Variants in PKIG observed in about 807,000 individuals in gnomAD.
PKIG encodes the protein cAMP-dependent protein kinase inhibitor gamma, also known as protein kinase (cAMP-dependent, catalytic) inhibitor gamma.
PKIG carries 1 observed loss-of-function variant against 6.8 expected under a neutral mutation model. The observed-to-expected ratio is 0.15, with a 90% CI of 0.05 to 0.69. The LOEUF is 0.69. PKIG is among the 30% of genes least tolerant of loss of function. PKIG has a pLI of 0.82. For synonymous variants in PKIG, 39 were observed against 43.0 expected (o/e 0.91, Z 0.36); for missense variants, 77 against 104.0 (o/e 0.74, Z 1.13).
intron 1 of PKIG, 23 bp downstream of exon 1, chr20:44,582,754 C>T (rs563223665): frequency 6.6e-6 from 1 of 152,478 alleles, no homozygotes; most frequent in East Asian, 1.9e-4. Flanking sequence ...TTACTCTCCT[C>T]CCCTGCCCAA....
At chr20:44,610,462 T>TC (rs2065204541) in intron 2 of PKIG, among the ~76,000 whole-genome samples, 10 of 123,338 alleles carry the variant, frequency 8.1e-5, no homozygotes, top group African/African-American at 3.1e-4. Context: ...GTCTCTCTCT[T>TC]TCTCTCTCTC....
intron 2 of PKIG, among the ~76,000 whole-genome samples, chr20:44,590,587 T>C (rs1325204747): frequency 1.3e-5 from 2 of 152,242 alleles, no homozygotes; most frequent in Admixed American, 6.5e-5. Flanking sequence ...TTTCTTTGAA[T>C]TGTCAAGTTG....
intron 1 of PKIG, among the ~76,000 whole-genome samples, chr20:44,570,851 TGAA>T (rs1204554445): frequency 6.6e-6 from 1 of 152,214 alleles, no homozygotes; most frequent in Non-Finnish European, 1.5e-5. Flanking sequence ...AAAGTTTTTC[TGAA>T]GAAGTGACAT....
chr20:44,614,102 A>G lies in PKIG; in HGVS notation c.-23-432A>G, dbSNP rs2065242805. ...CAGCCTTGATCAGGTCCCAGTGATC[A>G]CTCCAGCACCCTGCATTCTCCCTTG... On this transcript the variant is annotated intron_variant, in intron 2 of 3. Transcript: ENST00000372886. The surrounding 1 kb of genome is among the most constrained non-coding windows in gnomAD (Gnocchi z 4.6). Among the ~76,000 whole-genome samples, 1 of 151,978 alleles carries G rather than the reference A, an allele frequency of 6.6e-6. No homozygotes were observed. The highest frequency in any genetic ancestry group is 2.4e-5 in the African/African-American group (1 of 41,362).
At chr20:44,552,860 A>G (rs778743892) in intron 1 of PKIG, among the ~76,000 whole-genome samples, 4 of 152,098 alleles carry the variant, frequency 2.6e-5, no homozygotes, top group Non-Finnish European at 5.9e-5. Context: ...GGAAATGCTT[A>G]CTTAGTCTGG....
At chr20:44,545,429 A>T (rs1186229938) in intron 1 of PKIG, among the ~76,000 whole-genome samples, 1 of 152,206 alleles carries the variant, frequency 6.6e-6, no homozygotes, top group African/African-American at 2.4e-5. Flanking sequence ...AATAAGTTGA[A>T]TGTGCTTACC....
At chr20:44,580,335 G>GCTTTGTT (rs1249132751), upstream of PKIG, among the ~76,000 whole-genome samples, 2 of 151,192 alleles carry the variant, frequency 1.3e-5, no homozygotes, top group African/African-American at 2.4e-5. Flanking sequence ...TTTTTGTTTT[G>GCTTTGTT]TTTTGTTTTT....
chr20:44,572,538 G>A (rs2064862627), intron 1 of PKIG, among the ~76,000 whole-genome samples: 1 of 152,048 alleles, frequency 6.6e-6, no homozygotes, highest in African/African-American at 2.4e-5. Flanking sequence ...CATCCTGAGG[G>A]CAACATGTGT....
At chr20:44,568,532 C>A (rs1261236452) in intron 1 of PKIG, among the ~76,000 whole-genome samples, 1 of 151,806 alleles carries the variant, frequency 6.6e-6, no homozygotes, top group African/African-American at 2.4e-5. Context: ...AGTGGCACAA[C>A]CTCTGCCGCC....
At position 44,618,295 on chromosome 20, in the gene PKIG, G is replaced by A; in HGVS notation, c.162G>A (p.Val54=). Residue 54 remains valine (V), a synonymous_variant, in exon 4 of 4, where the codon GTG becomes GTA. Transcript: ENST00000372886. The stretch of plus-strand genomic sequence containing the variant: ...TTCTCTCCTCTCCAGAAGGACAGGT[G>A]GAGGGAAGCGCCCCAGACAAGGAAG... The part of the protein sequence containing the change: ...ELALEGAEGQ[V]EGSAPDKEAG... 1 of 1,610,892 alleles carries A rather than the reference G, an allele frequency of 6.2e-7. No homozygotes were observed. The highest frequency in any genetic ancestry group is 8.5e-7 in the Non-Finnish European group (1 of 1,177,060).
At chr20:44,607,377 A>ATT (rs59226646) in intron 2 of PKIG, among the ~76,000 whole-genome samples, 1,462 of 94,132 alleles carry the variant, frequency 0.016, 27 homozygotes, top group African/African-American at 0.03. Context: ...ATATATATAT[A>ATT]TTTTTTTTTT....
intron 2 of PKIG, among the ~76,000 whole-genome samples, chr20:44,603,049 T>G (rs985417374): frequency 3.3e-5 from 5 of 152,162 alleles, no homozygotes; most frequent in African/African-American, 1.2e-4. Flanking sequence ...CTTCTATTAT[T>G]CACTTGTTCA....
intron 2 of PKIG, among the ~76,000 whole-genome samples, chr20:44,607,971 C>T (rs1263573611): frequency 6.6e-6 from 1 of 150,968 alleles, no homozygotes; most frequent in Admixed American, 6.6e-5. Context: ...TCTGGGATTA[C>T]AGGCATGAGC....
chr20:44,610,596 C>T (rs1290152919), intron 2 of PKIG, among the ~76,000 whole-genome samples: 1 of 151,916 alleles, frequency 6.6e-6, no homozygotes, highest in African/African-American at 2.4e-5. Context: ...TGTCAGCTAC[C>T]TTCTAAAAGC....
intron 1 of PKIG, among the ~76,000 whole-genome samples, chr20:44,548,854 CCACACACACACACACACACACA>C (rs11469110): frequency 2.9e-5 from 4 of 135,660 alleles, no homozygotes; most frequent in African/African-American, 8.7e-5. Flanking sequence ...ACTCCTCCCA[CCACACACACACACACACACACA>C]CACACACACA....
At chr20:44,563,778 A>T (rs748838818) in intron 1 of PKIG, among the ~76,000 whole-genome samples, 4 of 151,852 alleles carry the variant, frequency 2.6e-5, no homozygotes, top group Non-Finnish European at 5.9e-5. Context: ...TGATCCTTCC[A>T]CCTCAGCCTC....
upstream of PKIG, among the ~76,000 whole-genome samples, chr20:44,578,411 G>A (rs753331453): frequency 6.6e-6 from 1 of 151,922 alleles, no homozygotes; most frequent in Non-Finnish European, 1.5e-5. Context: ...AGTAGAGACG[G>A]TGTTTCACCA....
chr20:44,561,755 G>T (rs536963926), intron 1 of PKIG, among the ~76,000 whole-genome samples: 2 of 152,196 alleles, frequency 1.3e-5, no homozygotes, highest in South Asian at 4.1e-4. Context: ...GTGGGACTGC[G>T]CCCAGCTTTA....
chr20:44,555,373 T>C (rs2123213630), intron 1 of PKIG, among the ~76,000 whole-genome samples: 1 of 152,328 alleles, frequency 6.6e-6, no homozygotes, highest in East Asian at 1.9e-4. Context: ...TGACCAGAAT[T>C]GTTTGTTTGT....
Sources: allele counts gnomAD v4.1 joint callset (sites outside exome capture counted in the v4.1 genomes callset), GRCh38; gene constraint gnomAD v4.1.1; non-coding constraint Gnocchi (gnomAD v3.1); transcripts MANE v1.5; gene names NCBI Gene and HGNC (gene_info 2026-07-23, HGNC 2026-07-21).